KMT2C: variants seen among roughly 807,000 people sequenced by gnomAD.
KMT2C encodes histone-lysine N-methyltransferase 2C.
Under a neutral mutation model 507.9 loss-of-function variants are expected in KMT2C, and 88 were observed. The observed-to-expected ratio is 0.17, with a 90% CI of 0.15 to 0.21. The LOEUF is 0.21. KMT2C is among the 10% of genes least tolerant of loss of function. The pLI is 1.00. For missense variants in KMT2C, 4,954 were observed against 5,957.8 expected, an observed-to-expected ratio of 0.83 and a Z score of 5.55; for synonymous variants, 2,049 against 2,080.8, an observed-to-expected ratio of 0.98 and a Z score of 0.42.
chr7:152,386,529 T>C (rs1337418866), intron 1 of KMT2C, among the ~76,000 whole-genome samples: 2 of 152,360 alleles, frequency 1.3e-5, no homozygotes, highest in African/African-American at 4.8e-5. Context: ...ACATGACTGG[T>C]CTGGACAATG....
chr7:152,330,517 C>T lies in KMT2C; in HGVS notation c.389+84G>A. 2 of 1,342,598 alleles carry T rather than the reference C, an allele frequency of 1.5e-6. 1 individual carries two copies. Among genetic ancestry groups the T allele is most frequent in the South Asian group, 2.4e-5 (2 of 81,812 alleles). 83.2% of individuals were successfully genotyped at this position (1,342,598 alleles called of 1,614,324 possible). ...CCCACCCAGATTTTCATCCTAAACT[C>T]ATACTCCTTGAATTTTCTCTATAGT... On this transcript the variant is annotated intron_variant, in intron 3 of 58. Coordinates refer to ENST00000262189, the MANE Select transcript of KMT2C (RefSeq NM_170606.3).
intron 16 of KMT2C, among the ~76,000 whole-genome samples, chr7:152,233,357 T>G (rs1260341840): frequency 6.6e-6 from 1 of 152,126 alleles, no homozygotes; most frequent in African/African-American, 2.4e-5. Context: ...GATAGAAATT[T>G]CATTTTCCTA....
chr7:152,240,423 G>A (rs1263838136), intron 14 of KMT2C, among the ~76,000 whole-genome samples: 27 of 152,182 alleles, frequency 1.8e-4, no homozygotes, highest in Non-Finnish European at 1.2e-4. Flanking sequence ...TCCTCTATTT[G>A]ACTTCCAAAG....
chr7:152,228,213 T>C (rs1403020721), intron 18 of KMT2C, among the ~76,000 whole-genome samples: 2 of 152,186 alleles, frequency 1.3e-5, no homozygotes, highest in East Asian at 1.9e-4. Flanking sequence ...GAACAGTCCA[T>C]AGTTAAAATC....
intron 22 of KMT2C, among the ~76,000 whole-genome samples, chr7:152,221,735 TA>T (rs2094778594): frequency 6.6e-6 from 1 of 152,222 alleles, no homozygotes; most frequent in Non-Finnish European, 1.5e-5. Context: ...AGCACAGTAA[TA>T]TATCAATGAA....
At chr7:152,401,182 T>A (rs1248147396) in intron 1 of KMT2C, among the ~76,000 whole-genome samples, 1 of 148,008 alleles carries the variant, frequency 6.8e-6, no homozygotes, top group East Asian at 2.0e-4. Context: ...GCCTCCGGGG[T>A]TCAAGCAATT....
At chr7:152,368,951 G>A (rs1392545792) in intron 1 of KMT2C, among the ~76,000 whole-genome samples, 1 of 151,310 alleles carries the variant, frequency 6.6e-6, no homozygotes, top group Non-Finnish European at 1.5e-5. Context: ...ACATTTTACT[G>A]TTGTACAATC....
chr7:152,353,218 T>C (rs1256250340), intron 2 of KMT2C, among the ~76,000 whole-genome samples: 1 of 151,502 alleles, frequency 6.6e-6, no homozygotes, highest in Non-Finnish European at 1.5e-5. Flanking sequence ...AGGTCAGGAG[T>C]TCAAGACCAG....
rs537729672 is a variant in KMT2C, at chr7:152,359,435, A to T, written c.162-760T>A. On this transcript the variant is annotated intron_variant, in intron 1 of 58. Transcript: ENST00000262189. ...GAAACTGACAAAGCAGTACTCAGAT[A>T]ATGTCAGTGTTTTAAATTATTTCGC... Among the ~76,000 whole-genome samples, 6 of 152,310 alleles carry T rather than the reference A, an allele frequency of 3.9e-5. No homozygotes were observed. In the South Asian group the frequency reaches 1.2e-3, roughly 32 times the overall value.
intron 42 of KMT2C, among the ~76,000 whole-genome samples, chr7:152,164,312 C>T (rs1189155252): frequency 4.1e-5 from 6 of 145,050 alleles, no homozygotes; most frequent in East Asian, 2.0e-4. Context: ...TTTTTTGAGA[C>T]GGAGTCTCGC....
At chr7:152,152,298 G>A (rs2091691711) in intron 49 of KMT2C, among the ~76,000 whole-genome samples, 2 of 152,196 alleles carry the variant, frequency 1.3e-5, no homozygotes, top group African/African-American at 2.4e-5. Context: ...GGTAAAACAA[G>A]AGGTAGGTGA....
intron 6 of KMT2C, among the ~76,000 whole-genome samples, chr7:152,300,932 T>C (rs1266669145): frequency 6.6e-6 from 1 of 151,768 alleles, no homozygotes; most frequent in Non-Finnish European, 1.5e-5. Flanking sequence ...CTGGCACACA[T>C]CTGTAGTCCC....
intron 2 of KMT2C, among the ~76,000 whole-genome samples, chr7:152,340,468 T>C (rs1312484661): frequency 6.6e-6 from 1 of 152,204 alleles, no homozygotes; most frequent in African/African-American, 2.4e-5. Context: ...TTTCTGGATA[T>C]ATCTCATTGA....
At chr7:152,352,610 G>A (rs34195627) in intron 2 of KMT2C, among the ~76,000 whole-genome samples, 7,573 of 152,134 alleles carry the variant, frequency 0.05, 320 homozygotes, top group African/African-American at 0.11. Flanking sequence ...CAAACCAGCC[G>A]AAGCTTAGGG....
intron 2 of KMT2C, among the ~76,000 whole-genome samples, chr7:152,334,087 C>T (rs1484146053): frequency 6.6e-6 from 1 of 151,824 alleles, no homozygotes; most frequent in Non-Finnish European, 1.5e-5. Flanking sequence ...TGAATCCCCC[C>T]CCAAAAAAAA....
At chr7:152,331,449 T>G (rs2096881630) in intron 2 of KMT2C, among the ~76,000 whole-genome samples, 1 of 151,656 alleles carries the variant, frequency 6.6e-6, no homozygotes, top group Non-Finnish European at 1.5e-5. Context: ...ACACCCCATC[T>G]CTACAAAAAA....
intron 18 of KMT2C, among the ~76,000 whole-genome samples, chr7:152,228,607 G>A (rs950219028): frequency 5.9e-5 from 9 of 152,144 alleles, no homozygotes; most frequent in Admixed American, 1.3e-4. Flanking sequence ...CTTAACTTAT[G>A]TAAGTCGTAC....
chr7:152,223,726 G>A (rs1321256434), intron 20 of KMT2C, among the ~76,000 whole-genome samples: 6 of 152,022 alleles, frequency 3.9e-5, no homozygotes, highest in African/African-American at 1.5e-4. Context: ...CCCAGGAGGC[G>A]GAGGTGGAGG....
At chr7:152,375,861 C>A (rs1406197082) in intron 1 of KMT2C, among the ~76,000 whole-genome samples, 1 of 152,144 alleles carries the variant, frequency 6.6e-6, no homozygotes, top group Non-Finnish European at 1.5e-5. Flanking sequence ...GGGTCTTGTT[C>A]TGTCACCCAG....
Sources: gnomAD v4.1 joint callset for allele counts (sites outside exome capture counted in the v4.1 genomes callset) on GRCh38, gnomAD v4.1.1 for gene constraint, MANE v1.5 for transcripts, NCBI Gene and HGNC (gene_info 2026-07-23, HGNC 2026-07-21) for gene names.